SGSH: variants seen among roughly 807,000 people sequenced by gnomAD.
SGSH encodes N-sulfoglucosamine sulfohydrolase, also known as heparan sulfate sulfatase.
In SGSH, 48 loss-of-function variants were observed where a neutral mutation model predicts 51.0. The ratio of observed to expected loss-of-function variants is 0.94; its 90% CI spans 0.75 to 1.20. The LOEUF is 1.20. Among genes scored for constraint, SGSH ranks in the 50% most tolerant of loss-of-function variants. SGSH has a pLI of 0.00. For synonymous variants in SGSH, 321 were observed against 313.4 expected, an observed-to-expected ratio of 1.02 and a Z score of -0.26; for missense variants, 662 against 717.8, an observed-to-expected ratio of 0.92 and a Z score of 0.89.
At chr17:80,217,961 G>A (rs914412016) in intron 1 of SGSH, among the ~76,000 whole-genome samples, 2 of 151,944 alleles carry the variant, frequency 1.3e-5, no homozygotes, top group African/African-American at 4.8e-5. Context: ...ATGGTACCCA[G>A]GCAAGCCTGG....
rs1038460314 is a variant in SGSH at position 80,217,208 on chromosome 17, G to C, written c.89-16C>G. ...CCGTCATCCGCTGCGTGAGGTGGGA[G>C]ACAGAGAGTGCACGGTCGGCTGCGG... On this transcript the variant is annotated splice_polypyrimidine_tract_variant and intron_variant, in intron 1 of 7. Coordinates refer to ENST00000326317, the MANE Select transcript of SGSH (RefSeq NM_000199.5). The C allele has an allele frequency of 1.9e-6, 3 of 1,593,404 alleles. No homozygotes were observed. The African/African-American group carries it at 4.0e-5, about 21-fold the overall frequency.
chr17:80,212,431 T>G lies in SGSH; in HGVS notation c.746-157A>C. The G allele has an allele frequency of 1.4e-6, 1 of 709,758 alleles. No homozygotes were observed. The highest frequency in any genetic ancestry group is 2.5e-6 in the Non-Finnish European group (1 of 400,072). The allele number at this position is 709,758 out of a possible 1,614,324, so 44.0% of individuals were successfully genotyped here. On this transcript the variant is annotated intron_variant, in intron 6 of 7. Coordinates refer to ENST00000326317, the MANE Select transcript of SGSH (RefSeq NM_000199.5). The surrounding 1 kb of genome is among the most constrained non-coding windows in gnomAD (Gnocchi z 5.9). ...TAGTTCTTCCCAATGGCCCTGGCTC[T>G]TGCCCAGCTCTTGCCCAGCTCCGCC...
chr17:80,208,465 C>CATGTGA, downstream of SGSH: 1 of 935,160 alleles, frequency 1.1e-6, no homozygotes, highest in Non-Finnish European at 1.6e-6. Flanking sequence ...GGCCGGCTCT[C>CATGTGA]CCCACTGGCT....
chr17:80,204,842 C>G, downstream of SGSH: 1 of 553,102 alleles, frequency 1.8e-6, no homozygotes, highest in Non-Finnish European at 3.2e-6. Flanking sequence ...GTGTAACCCC[C>G]GTGCAAAGGA....
chr17:80,216,280 G>A (rs1005391447), intron 2 of SGSH, among the ~76,000 whole-genome samples: 8 of 151,886 alleles, frequency 5.3e-5, no homozygotes, highest in African/African-American at 1.9e-4. Flanking sequence ...AGTGAGCCAC[G>A]ATCGCACCAC....
downstream of SGSH, chr17:80,203,269 C>CAA (rs5822329): frequency 4.6e-5 from 5 of 109,714 alleles, no homozygotes; most frequent in South Asian, 2.9e-4. The surrounding 1 kb of genome is among the most constrained non-coding windows in gnomAD (Gnocchi z 4.6). Flanking sequence ...GACTCTGTCT[C>CAA]AAAAAAAAAA....
chr17:80,202,191 C>G, downstream of SGSH: 1 of 1,613,692 alleles, frequency 6.2e-7, no homozygotes, highest in Non-Finnish European at 8.5e-7. Flanking sequence ...TTATAAGAGG[C>G]TACTCCAGGA....
chr17:80,205,787 C>A, downstream of SGSH: 2 of 907,682 alleles, frequency 2.2e-6, no homozygotes, highest in South Asian at 1.9e-5. Flanking sequence ...TGGGTCCCAA[C>A]AGCCCAGCAG....
chr17:80,210,940 T>A lies in SGSH; in HGVS notation c.1021A>T (p.Ile341Phe), dbSNP rs766337909. 1 of 1,606,002 alleles carries A rather than the reference T, an allele frequency of 6.2e-7. No individual in the cohort carries two copies. Among genetic ancestry groups the A allele is most frequent in the Non-Finnish European group, 8.5e-7 (1 of 1,179,910 alleles). ...AGGAGGGACCGGCCAGTGAGGTGGATGGTCTTCGAGCCAAAGATGGCGTAG... is the reference window on the plus strand; with the variant it reads ...AGGAGGGACCGGCCAGTGAGGTGGAAGGTCTTCGAGCCAAAGATGGCGTAG... ...PSYAIFGSKT[I>F]HLTGRSLLPA... The change falls in exon 8 of 8, where the codon ATC becomes TTC. Residue 341 changes from isoleucine (I) to phenylalanine (F), a missense_variant. Ile to Phe is a conservative substitution (Grantham distance 21). Transcript: ENST00000326317.
Position 80,212,357 on chromosome 17 carries a change from T to C in SGSH, c.746-83A>G, listed in dbSNP as rs1055823790. ...TGGTGTGTGTAGACCCACCTGCTGC[T>C]GCATCCGGCCGCTGGGCTCCAGCGC... On this transcript the variant is annotated intron_variant, in intron 6 of 7. Coordinates refer to ENST00000326317, the MANE Select transcript of SGSH (RefSeq NM_000199.5). The surrounding 1 kb of genome is among the most constrained non-coding windows in gnomAD (Gnocchi z 5.9). 7 of 1,219,032 alleles carry C rather than the reference T, an allele frequency of 5.7e-6. No individual in the cohort carries two copies. The highest frequency in any genetic ancestry group is 1.5e-5 in the African/African-American group (1 of 66,370). 75.5% of individuals were successfully genotyped at this position (1,219,032 alleles called of 1,614,324 possible).
chr17:80,214,547 C>T (rs2041811316), intron 4 of SGSH, 68 bp downstream of exon 4: 2 of 1,533,530 alleles, frequency 1.3e-6, no homozygotes, highest in Admixed American at 1.8e-5. Context: ...ATGCATCCCG[C>T]CGGAAGACTC....
rs906723846 is a variant in SGSH, at chr17:80,212,330, G to T, written c.746-56C>A. ...GCCGCAGACACGGAGGGAGGCAGCGGGTGGTGTGTGTAGACCCACCTGCTG... is the reference window on the plus strand; with the variant it reads ...GCCGCAGACACGGAGGGAGGCAGCGTGTGGTGTGTGTAGACCCACCTGCTG... On this transcript the variant is annotated intron_variant, in intron 6 of 7. Transcript: ENST00000326317. The surrounding 1 kb of genome is among the most constrained non-coding windows in gnomAD (Gnocchi z 5.9). 3 of 1,488,046 alleles carry T rather than the reference G, an allele frequency of 2.0e-6. No homozygotes were observed. The African/African-American group carries it at 4.2e-5, about 21-fold the overall frequency. 92.2% of individuals were successfully genotyped at this position (1,488,046 alleles called of 1,614,324 possible). A position where few individuals can be genotyped will look rare whatever the true frequency, so the allele number is the denominator to read the frequency against.
chr17:80,219,987 A>G, intron 1 of SGSH: 1 of 413,052 alleles, frequency 2.4e-6, no homozygotes, highest in Non-Finnish European at 4.3e-6. Flanking sequence ...AGGCGGCACG[A>G]GGTAAGTGTA....
intron 4 of SGSH, 86 bp from the exon 5 acceptor site, chr17:80,214,414 A>G: frequency 1.4e-6 from 2 of 1,477,484 alleles, no homozygotes; most frequent in Non-Finnish European, 1.8e-6. Context: ...CCTCCTCTGT[A>G]TCTGGAAGTC....
At position 80,212,179 on chromosome 17, in the gene SGSH, C is replaced by A. The variant is rs541222703; in HGVS notation, c.841G>T (p.Gly281Cys). ...CCCGGCCAGTACAGGTTGGTCCTGCCGCTGGGGAAGGGGATCCCGTTGTCG... is the reference window on the plus strand; with the variant it reads ...CCCGGCCAGTACAGGTTGGTCCTGCAGCTGGGGAAGGGGATCCCGTTGTCG... ...TSDNGIPFPS[G>C]RTNLYWPGTA... Residue 281 changes from glycine (G) to cysteine (C), a missense_variant, in exon 7 of 8, where the codon GGC (glycine) becomes TGC (cysteine). Gly to Cys is a radical substitution (Grantham distance 159). Transcript: ENST00000326317. The surrounding 1 kb of genome is among the most constrained non-coding windows in gnomAD (Gnocchi z 5.9). The A allele has an allele frequency of 2.5e-6, 4 of 1,613,432 alleles. No individual in the cohort carries two copies. In the African/African-American group the frequency reaches 4.0e-5, roughly 16 times the overall value.
At position 80,210,290 on chromosome 17, in the gene SGSH, G is replaced by C. The variant is rs2041581614; in HGVS notation, c.*162C>G. ...GGTCACATGCTCTGGTCCCCCTCCA[G>C]GCAATGGCAAGAGTGACCCCACAGG... is the stretch of plus-strand genomic sequence containing the variant. On this transcript the variant is annotated 3_prime_UTR_variant, in exon 8 of 8. Transcript: ENST00000326317. The C allele has an allele frequency of 6.3e-6, 9 of 1,434,644 alleles. No homozygotes were observed. The highest frequency in any genetic ancestry group is 8.2e-6 in the Non-Finnish European group (9 of 1,098,618). The allele number at this position is 1,434,644 out of a possible 1,614,324, so 88.9% of individuals were successfully genotyped here.
At chr17:80,214,446 C>T (rs2041808104) in intron 4 of SGSH, 118 bp from the exon 5 acceptor site, 1 of 1,336,816 alleles carries the variant, frequency 7.5e-7, no homozygotes, top group African/African-American at 1.5e-5. Context: ...CTCACTGCCT[C>T]AGTTTCCCCA....
chr17:80,219,971 T>C lies in SGSH; in HGVS notation c.88+255A>G, dbSNP rs2042079042. 7.6e-6 allele frequency: 3 copies of C among 396,432 alleles called. No individual in the cohort carries two copies. The East Asian group carries it at 1.1e-4, about 15-fold the overall frequency. 24.6% of individuals were successfully genotyped at this position (396,432 alleles called of 1,614,324 possible). A position where few individuals can be genotyped will look rare whatever the true frequency, so the allele number is the denominator to read the frequency against. On this transcript the variant is annotated intron_variant, in intron 1 of 7. Coordinates refer to ENST00000326317, the MANE Select transcript of SGSH (RefSeq NM_000199.5). ...CTGGCTGGGCAGGGTCAGAGGAGGG[T>C]GGGACAGGCGGCACGAGGTAAGTGT...
chr17:80,218,702 G>T (rs148180969), intron 1 of SGSH, among the ~76,000 whole-genome samples: 1 of 152,194 alleles, frequency 6.6e-6, no homozygotes, highest in African/African-American at 2.4e-5. Flanking sequence ...AGAGTGTCTC[G>T]GCACTTGGCT....
Sources: gnomAD v4.1 joint callset for allele counts (sites outside exome capture counted in the v4.1 genomes callset) on GRCh38, gnomAD v4.1.1 for gene constraint, Gnocchi (gnomAD v3.1) non-coding constraint, MANE v1.5 for transcripts, NCBI Gene and HGNC (gene_info 2026-07-23, HGNC 2026-07-21) for gene names.